The following PHACTR2 variants were observed in gnomAD, a reference collection of about 807,000 sequenced individuals.
PHACTR2 encodes the protein phosphatase and actin regulator 2.
PHACTR2 carries 30 observed loss-of-function variants against 76.0 expected under a neutral mutation model. The observed-to-expected ratio is 0.39, with a 90% CI of 0.30 to 0.54. The LOEUF is 0.54. Among genes scored for constraint, PHACTR2 ranks in the 20% least tolerant of loss-of-function variants. The probability of loss-of-function intolerance (pLI) is 0.61; values close to 1 mark genes in which losing one functional copy is unlikely to be tolerated. For missense variants in PHACTR2, 696 were observed against 781.1 expected (o/e 0.89, Z 1.30); for synonymous variants, 292 against 292.5 (o/e 1.00, Z 0.02).
rs1582762398 is a variant in PHACTR2, at chr6:143,678,577, A to G, written c.46+368A>G. On this transcript the variant is annotated intron_variant, in intron 1 of 12. Transcript: ENST00000440869. The surrounding 1 kb of genome is among the most constrained non-coding windows in gnomAD (Gnocchi z 6.2). ...CATGCCAACAGGTTTTTCTGTATTT[A>G]CGCTTGGCTTCCGAACAGACTAGGA... Among the ~76,000 whole-genome samples, 2 of 152,356 alleles carry G rather than the reference A, an allele frequency of 1.3e-5. No homozygotes were observed. Among genetic ancestry groups the G allele is most frequent in the East Asian group, 1.9e-4 (1 of 5,188 alleles).
chr6:143,569,790 T>C (rs888891744), intron 1 of PHACTR2, among the ~76,000 whole-genome samples: 2 of 152,224 alleles, frequency 1.3e-5, no homozygotes, highest in Non-Finnish European at 2.9e-5. Context: ...GAAAATGAAG[T>C]GACTTAAGGA....
chr6:143,628,987 T>C (rs1776313438), intron 1 of PHACTR2, among the ~76,000 whole-genome samples: 1 of 128,608 alleles, frequency 7.8e-6, no homozygotes, highest in Admixed American at 8.5e-5. Flanking sequence ...ATACTGCAAA[T>C]CCTTGAGGGC....
At chr6:143,808,545 T>G (rs1776111291) in intron 12 of PHACTR2, among the ~76,000 whole-genome samples, 1 of 152,354 alleles carries the variant, frequency 6.6e-6, no homozygotes, top group East Asian at 1.9e-4. Context: ...TTAGGTAGTA[T>G]AAGTAATCTA....
In PHACTR2 at chr6:143,795,399, A is replaced by G. The variant is rs1775802812; in HGVS notation, c.1845+6489A>G. On this transcript the variant is annotated intron_variant, in intron 11 of 12. Transcript: ENST00000440869. The surrounding 1 kb of genome is among the most constrained non-coding windows in gnomAD (Gnocchi z 4.8). Reference sequence around the variant, plus strand: ...ACTGCACTGCAGCCTGGGCAACAGAATGAGACCCTGTCTCTAAAACAAAAA... The same window carrying G: ...ACTGCACTGCAGCCTGGGCAACAGAGTGAGACCCTGTCTCTAAAACAAAAA... 3.3e-5 allele frequency among the ~76,000 whole-genome samples: 5 copies of G among 152,198 alleles called. No homozygotes were observed.
intron 1 of PHACTR2, among the ~76,000 whole-genome samples, chr6:143,670,445 T>C (rs1348007787): frequency 6.6e-6 from 1 of 152,196 alleles, no homozygotes; most frequent in Non-Finnish European, 1.5e-5. Flanking sequence ...GTTTTCCAAC[T>C]TGGTTTCACT....
chr6:143,736,293 C>T (rs983196373), intron 2 of PHACTR2, among the ~76,000 whole-genome samples: 4 of 151,164 alleles, frequency 2.6e-5, no homozygotes, highest in African/African-American at 2.4e-5. Flanking sequence ...AGTAAACTAG[C>T]GAGGCACAGA....
At chr6:143,629,292 C>T (rs1447037053) in intron 1 of PHACTR2, among the ~76,000 whole-genome samples, 1 of 151,998 alleles carries the variant, frequency 6.6e-6, no homozygotes, top group South Asian at 2.1e-4. Context: ...ATTTTACCAT[C>T]TGAGAAAGAG....
intron 1 of PHACTR2, among the ~76,000 whole-genome samples, chr6:143,572,549 A>G (rs555365754): frequency 1.3e-5 from 2 of 152,162 alleles, no homozygotes; most frequent in Admixed American, 6.5e-5. Flanking sequence ...TGTTTTGGTC[A>G]TTGTGGTTGT....
At chr6:143,716,470 C>T (rs1778303601) in intron 2 of PHACTR2, among the ~76,000 whole-genome samples, 1 of 152,150 alleles carries the variant, frequency 6.6e-6, no homozygotes, top group African/African-American at 2.4e-5. Flanking sequence ...GGACCACAGG[C>T]ACACGCCACG....
intron 2 of PHACTR2, among the ~76,000 whole-genome samples, chr6:143,714,310 C>T (rs2128461511): frequency 6.6e-6 from 1 of 152,312 alleles, no homozygotes; most frequent in East Asian, 1.9e-4. Flanking sequence ...TTGGTATTCA[C>T]ATGGATATGA....
upstream of PHACTR2, among the ~76,000 whole-genome samples, chr6:143,606,502 A>G (rs904416083): frequency 3.3e-5 from 5 of 152,212 alleles, no homozygotes; most frequent in Non-Finnish European, 7.3e-5. Context: ...TGAACTGTGG[A>G]CAAAGCTAAT....
chr6:143,563,117 A>G (rs1211923588), intron 1 of PHACTR2, among the ~76,000 whole-genome samples: 1 of 152,242 alleles, frequency 6.6e-6, no homozygotes, highest in Non-Finnish European at 1.5e-5. Flanking sequence ...ATTTTATTTT[A>G]AGTATTTTTT....
intron 1 of PHACTR2, among the ~76,000 whole-genome samples, chr6:143,687,449 AAATATT>A (rs1777550162): frequency 1.3e-5 from 2 of 152,188 alleles, no homozygotes; most frequent in Admixed American, 1.3e-4. Flanking sequence ...TCTTGGGAGA[AAATATT>A]AATATTTAGT....
rs2281405 is a variant in PHACTR2, at chr6:143,774,618, G to A, written c.1589+403G>A. ...TTCATAAAGCTGGATTTGGCCTGCA[G>A]ATCACAGTTTGCTCAACAATCCTGG... On this transcript the variant is annotated intron_variant, in intron 8 of 12. Coordinates refer to ENST00000440869, the MANE Select transcript of PHACTR2 (RefSeq NM_001100164.2). This position sits in a 1 kb window ranked among gnomAD's most constrained non-coding sequence, Gnocchi z 5.4. Among the ~76,000 whole-genome samples the A allele has an allele frequency of 0.3, 45,687 of 152,134 alleles. 7,688 individuals are homozygous for A. Among genetic ancestry groups the A allele is most frequent in the South Asian group, 0.39 (1,899 of 4,814 alleles).
At position 143,561,015 on chromosome 6, in the gene PHACTR2, A is replaced by G. The variant is rs978404707; in HGVS notation, c.217+23808A>G. On this transcript the variant is annotated intron_variant, in intron 1 of 11. Transcript: ENST00000367584. This position sits in a 1 kb window ranked among gnomAD's most constrained non-coding sequence, Gnocchi z 4.1. ...CAAGGACTCTGGGGGGCTTTAAGTA[A>G]TAAACTGGCCAGACTCCTGAAGCTG... is the stretch of plus-strand genomic sequence containing the variant. Among the ~76,000 whole-genome samples the G allele has an allele frequency of 2.0e-5, 3 of 151,888 alleles. No individual in the cohort carries two copies. Among genetic ancestry groups the G allele is most frequent in the Admixed American group, 6.6e-5 (1 of 15,220 alleles).
intron 1 of PHACTR2, among the ~76,000 whole-genome samples, chr6:143,642,812 G>T (rs901048345): frequency 1.1e-4 from 16 of 152,204 alleles, no homozygotes; most frequent in African/African-American, 3.6e-4. Flanking sequence ...ACATGGAACA[G>T]ATTCTCCCTC....
Position 143,765,660 on chromosome 6 carries a change from T to A in PHACTR2, c.1094T>A (p.Val365Asp), listed in dbSNP as rs766160688. ...TGCATTACTGCCTCAGACACTCCAG[T>A]TGTCCTCGTCAGCGTTGGAGCTGAC... ...DQCITASDTP[V>D]VLVSVGADLP... Residue 365 changes from valine (V) to aspartate (D), a missense_variant, in exon 6 of 13, where the codon GTT becomes GAT. This residue lies in a region of PHACTR2 where 460 missense variants were observed against 450.9 expected (regional missense o/e 1.02). Transcript: ENST00000440869. This position sits in a 1 kb window ranked among gnomAD's most constrained non-coding sequence, Gnocchi z 4.1. 4 of 1,614,048 alleles carry A rather than the reference T, an allele frequency of 2.5e-6. No individual in the cohort carries two copies. Among genetic ancestry groups the A allele is most frequent in the Non-Finnish European group, 3.4e-6 (4 of 1,180,028 alleles).
In PHACTR2 at chr6:143,679,106, C is replaced by G. The variant is rs183703360; in HGVS notation, c.46+897C>G. On this transcript the variant is annotated intron_variant, in intron 1 of 12. Transcript: ENST00000440869. This position sits in a 1 kb window ranked among gnomAD's most constrained non-coding sequence, Gnocchi z 4.6. ...TATTTGATACACTTTTTAAATTGTGCAAACATCAACAGGATCTTGCTGAAA... is the reference window on the plus strand; with the variant it reads ...TATTTGATACACTTTTTAAATTGTGGAAACATCAACAGGATCTTGCTGAAA... Among the ~76,000 whole-genome samples the G allele has an allele frequency of 6.6e-6, 1 of 152,248 alleles. No homozygotes were observed. Among genetic ancestry groups the G allele is most frequent in the African/African-American group, 2.4e-5 (1 of 41,532 alleles).
Position 143,750,707 on chromosome 6 carries a change from C to G in PHACTR2, c.295+1642C>G, listed in dbSNP as rs1487600653. 6.6e-6 allele frequency among the ~76,000 whole-genome samples: 1 copy of G among 152,168 alleles called. No homozygotes were observed. The highest frequency in any genetic ancestry group is 6.5e-5 in the Admixed American group (1 of 15,274). On this transcript the variant is annotated intron_variant, in intron 3 of 12. Coordinates refer to ENST00000440869, the MANE Select transcript of PHACTR2 (RefSeq NM_001100164.2). This position sits in a 1 kb window ranked among gnomAD's most constrained non-coding sequence, Gnocchi z 4.6. ...GCCGAATCTGTGAAACTATTTGCCT[C>G]ATAGATTATAATTTCTTGGGCCAAC... is the stretch of plus-strand genomic sequence containing the variant.
Sources: gnomAD v4.1 joint callset for allele counts (sites outside exome capture counted in the v4.1 genomes callset) on GRCh38, gnomAD v4.1.1 for gene constraint, gnomAD v4.1.1 regional missense constraint, Gnocchi (gnomAD v3.1) non-coding constraint, MANE v1.5 for transcripts, NCBI Gene and HGNC (gene_info 2026-07-23, HGNC 2026-07-21) for gene names.